Variants in UNC13C observed in about 807,000 individuals in gnomAD.
UNC13C encodes the protein protein unc-13 homolog C.
In UNC13C, 174 loss-of-function variants were observed where a neutral mutation model predicts 245.4. The observed-to-expected ratio is 0.71, with a 90% CI of 0.63 to 0.80. The LOEUF is 0.80. UNC13C is among the 30% of genes least tolerant of loss of function. The probability of loss-of-function intolerance (pLI) is 0.00; values close to 1 mark genes in which losing one functional copy is unlikely to be tolerated. For missense variants in UNC13C, 2,829 were observed against 2,602.9 expected (o/e 1.09, Z -1.89); for synonymous variants, 992 against 895.1 (o/e 1.11, Z -1.93).
chr15:54,042,881 C>T (rs1286213866), intron 2 of UNC13C, among the ~76,000 whole-genome samples: 1 of 150,332 alleles, frequency 6.7e-6, no homozygotes, highest in East Asian at 2.0e-4. Context: ...GAAAAAGAAA[C>T]CACTTACTGA....
At chr15:54,064,400 C>T (rs2141084731) in intron 2 of UNC13C, among the ~76,000 whole-genome samples, 1 of 152,278 alleles carries the variant, frequency 6.6e-6, no homozygotes, top group Non-Finnish European at 1.5e-5. Flanking sequence ...TAAGGTCTTT[C>T]CTCACACAGT....
the UNC13C span, among the ~76,000 whole-genome samples, chr15:53,965,352 CTT>C: frequency 6.6e-6 from 1 of 151,928 alleles, no homozygotes; most frequent in African/African-American, 2.4e-5. Flanking sequence ...CATTTGAACT[CTT>C]TTTAAACACA....
At chr15:54,172,709 TATATATATATATATATATATATATATA>T (rs1481600755) in intron 4 of UNC13C, among the ~76,000 whole-genome samples, 27 of 54,246 alleles carry the variant, frequency 5.0e-4, no homozygotes, top group Middle Eastern at 0.011. Context: ...CACAGATATA[TATATATATATATATATATATATATATA>T]TATATATATA....
intron 4 of UNC13C, among the ~76,000 whole-genome samples, chr15:54,162,174 T>C (rs1006362368): frequency 2.0e-5 from 3 of 152,162 alleles, no homozygotes; most frequent in African/African-American, 7.2e-5. Context: ...TTGTTTTGCT[T>C]TTTCTTACAG....
At chr15:54,630,069 C>T (rs1344382993), downstream of UNC13C, 1 of 152,160 alleles carries the variant, frequency 6.6e-6, no homozygotes, top group Admixed American at 6.6e-5. Flanking sequence ...GAGTGTTGCA[C>T]TAATGTGTGT....
intron 4 of UNC13C, among the ~76,000 whole-genome samples, chr15:54,164,657 C>A (rs1369374999): frequency 1.3e-5 from 2 of 152,138 alleles, no homozygotes; most frequent in Non-Finnish European, 2.9e-5. Flanking sequence ...GGCAGGGTTG[C>A]TTTCACTAAA....
chr15:54,167,930 A>G (rs2033244533), intron 4 of UNC13C, among the ~76,000 whole-genome samples: 1 of 152,180 alleles, frequency 6.6e-6, no homozygotes, highest in Non-Finnish European at 1.5e-5. Flanking sequence ...AGACACTACT[A>G]TGCACCTACC....
chr15:54,244,601 G>A (rs2035944194), intron 7 of UNC13C, among the ~76,000 whole-genome samples: 1 of 152,202 alleles, frequency 6.6e-6, no homozygotes, highest in African/African-American at 2.4e-5. Flanking sequence ...TCCTATCCAT[G>A]AACATGGAAT....
At chr15:54,445,503 G>A (rs994791908) in intron 19 of UNC13C, among the ~76,000 whole-genome samples, 1 of 152,140 alleles carries the variant, frequency 6.6e-6, no homozygotes, top group Non-Finnish European at 1.5e-5. Context: ...TCTCACTGGT[G>A]TGAGATGGTA....
At chr15:54,461,399 A>T (rs1316285572) in intron 19 of UNC13C, among the ~76,000 whole-genome samples, 1 of 152,168 alleles carries the variant, frequency 6.6e-6, no homozygotes, top group Non-Finnish European at 1.5e-5. Flanking sequence ...CATTTTAGAT[A>T]AGGGATATTT....
chr15:54,590,444 T>C (rs1441493091), intron 30 of UNC13C, among the ~76,000 whole-genome samples: 1 of 152,198 alleles, frequency 6.6e-6, no homozygotes. Flanking sequence ...CATTTGTTTG[T>C]GTCATCTGTG....
chr15:54,506,836 A>G (rs1351100852), intron 22 of UNC13C, among the ~76,000 whole-genome samples: 4 of 152,160 alleles, frequency 2.6e-5, no homozygotes. Context: ...CATTTGGCTT[A>G]TGATAATTTA....
chr15:54,519,482 T>C (rs1380451646), intron 24 of UNC13C, among the ~76,000 whole-genome samples: 2 of 152,140 alleles, frequency 1.3e-5, no homozygotes, highest in East Asian at 1.9e-4. Context: ...ACAGTGACAG[T>C]TGGATTTACT....
chr15:54,273,680 T>C (rs1172167713), intron 10 of UNC13C, among the ~76,000 whole-genome samples: 1 of 152,180 alleles, frequency 6.6e-6, no homozygotes, highest in Non-Finnish European at 1.5e-5. Flanking sequence ...CACTCATTTG[T>C]GGGTTGAAGC....
chr15:54,424,376 A>T (rs1366961371), intron 19 of UNC13C, among the ~76,000 whole-genome samples: 2 of 151,790 alleles, frequency 1.3e-5, no homozygotes, highest in Non-Finnish European at 2.9e-5. Flanking sequence ...TCCTGATGAG[A>T]AGCTTAGGAA....
At chr15:54,039,586 T>G (rs1327760720) in intron 2 of UNC13C, among the ~76,000 whole-genome samples, 2 of 152,134 alleles carry the variant, frequency 1.3e-5, no homozygotes, top group Non-Finnish European at 2.9e-5. Context: ...GCTCAGTTCT[T>G]GGACTCTTTT....
At chr15:54,136,717 T>G (rs894462323) in intron 2 of UNC13C, among the ~76,000 whole-genome samples, 6 of 152,172 alleles carry the variant, frequency 3.9e-5, no homozygotes, top group African/African-American at 1.2e-4. Flanking sequence ...ACAGGTGCAT[T>G]CCCTCGATAT....
At chr15:54,397,891 G>C (rs2040104066) in intron 18 of UNC13C, among the ~76,000 whole-genome samples, 7 of 150,662 alleles carry the variant, frequency 4.6e-5, no homozygotes, top group Admixed American at 4.6e-4. Flanking sequence ...TTATATTCTT[G>C]TCTAAAATAA....
chr15:54,340,605 G>T (rs771746832), intron 17 of UNC13C, among the ~76,000 whole-genome samples: 1 of 152,094 alleles, frequency 6.6e-6, no homozygotes. Context: ...TAAGTATGCG[G>T]GTTTATTTAT....
Sources: allele counts gnomAD v4.1 joint callset (sites outside exome capture counted in the v4.1 genomes callset), GRCh38; gene constraint gnomAD v4.1.1; transcripts MANE v1.5; gene names NCBI Gene and HGNC (gene_info 2026-07-23, HGNC 2026-07-21).